HADHA: variants seen among roughly 807,000 people sequenced by gnomAD.
The protein encoded by HADHA is trifunctional enzyme subunit alpha, mitochondrial.
In HADHA, 59 loss-of-function variants were observed where a neutral mutation model predicts 91.3. That is an observed-to-expected ratio of 0.65 (90% CI 0.52 to 0.80). HADHA has a LOEUF of 0.80. Ranked by LOEUF, HADHA falls within the 30% of genes least tolerant of loss-of-function variation. The pLI, the probability that HADHA is intolerant of heterozygous loss-of-function variation, is 0.00. For synonymous variants in HADHA, 320 were observed against 338.9 expected (o/e 0.94, Z 0.61); for missense variants, 800 against 927.6 (o/e 0.86, Z 1.79).
chr2:26,197,725 C>A lies in HADHA; in HGVS notation c.1445G>T (p.Ser482Ile). The change falls in exon 14 of 20, where the codon AGT becomes ATT. Residue 482 changes from serine (S) to isoleucine (I), a missense_variant. By Grantham distance (142) the Ser-to-Ile change is moderately radical. Coordinates refer to ENST00000380649, the MANE Select transcript of HADHA (RefSeq NM_000182.5). ...FASNTSALPI[S>I]EIAAVSKRPE... is the part of the protein sequence containing the mutation. ...TCTTTTGCTGACAGCAGCGATTTCA[C>A]TGATTGGGAGAGCAGATGTGTTACT... The A allele has an allele frequency of 6.4e-7, 1 of 1,556,920 alleles. No individual in the cohort carries two copies.
intron 12 of HADHA, among the ~76,000 whole-genome samples, chr2:26,201,715 G>A (rs553086930): frequency 7.2e-5 from 11 of 152,130 alleles, no homozygotes; most frequent in African/African-American, 1.9e-4. Flanking sequence ...AGCAGCCAAA[G>A]TGTGTCTGAG....
At chr2:26,208,417 T>C (rs1670018198) in intron 11 of HADHA, among the ~76,000 whole-genome samples, 1 of 152,184 alleles carries the variant, frequency 6.6e-6, no homozygotes, top group African/African-American at 2.4e-5. Context: ...CAATAAATGC[T>C]CAGGCAGGAG....
At chr2:26,220,684 T>A (rs140209480) in intron 7 of HADHA, among the ~76,000 whole-genome samples, 1 of 152,250 alleles carries the variant, frequency 6.6e-6, no homozygotes, top group Non-Finnish European at 1.5e-5. Flanking sequence ...AGCTTTTTTT[T>A]CTTGGTATCT....
intron 14 of HADHA, among the ~76,000 whole-genome samples, chr2:26,196,741 G>C: frequency 6.6e-6 from 1 of 152,192 alleles, no homozygotes; most frequent in East Asian, 1.9e-4. Flanking sequence ...TGCTTGCTCT[G>C]CTCCGATGGC....
intron 7 of HADHA, among the ~76,000 whole-genome samples, chr2:26,220,902 C>T (rs1670357929): frequency 6.6e-6 from 1 of 152,168 alleles, no homozygotes. Flanking sequence ...ATTAACTACT[C>T]TAGACATACT....
Position 26,236,339 on chromosome 2 carries a change from A to ATGTG in HADHA, c.314+512_314+515dup, listed in dbSNP as rs752287719. Among the ~76,000 whole-genome samples, 950 of 109,924 alleles carry ATGTG rather than the reference A, an allele frequency of 8.6e-3. 11 individuals are homozygous for ATGTG. The highest frequency in any genetic ancestry group is 0.025 in the East Asian group (106 of 4,324). The allele number at this position is 109,924 out of a possible 152,430, so 72.1% of individuals were successfully genotyped here. Reference sequence around the variant, plus strand: ...GGGTGAGATTTCTCTAGATCACATGATGTGTGTGTGTGTGTGTGTGTATAT... The same window carrying ATGTG: ...GGGTGAGATTTCTCTAGATCACATGATGTGTGTGTGTGTGTGTGTGTGTGTATAT... On this transcript the variant is annotated intron_variant, in intron 4 of 19. Coordinates refer to ENST00000380649, the MANE Select transcript of HADHA (RefSeq NM_000182.5).
rs2147782494 is a variant in HADHA, at chr2:26,234,238, G to T, written c.432C>A (p.Ser144=). The T allele has an allele frequency of 6.2e-7, 1 of 1,613,990 alleles. No homozygotes were observed. Among genetic ancestry groups the T allele is most frequent in the African/African-American group, 1.3e-5 (1 of 75,040 alleles). ...TKPIVAAING[S]CLGGGLEVAI... ...ATACCTCAAGTCCTCCTCCCAGGCAGGATCCATTGATGGCAGCCACAATAG... is the reference window on the plus strand; with the variant it reads ...ATACCTCAAGTCCTCCTCCCAGGCATGATCCATTGATGGCAGCCACAATAG... Residue 144 remains serine, a synonymous_variant, in exon 5 of 20, where the codon TCC becomes TCA. Coordinates refer to ENST00000380649, the MANE Select transcript of HADHA (RefSeq NM_000182.5).
intron 3 of HADHA, among the ~76,000 whole-genome samples, chr2:26,237,204 C>A (rs12998092): frequency 6.6e-6 from 1 of 152,000 alleles, no homozygotes; most frequent in Non-Finnish European, 1.5e-5. Context: ...AAAAATAGGT[C>A]TTCTCAAAGG....
chr2:26,193,196 A>G (rs2147751498), intron 17 of HADHA, among the ~76,000 whole-genome samples: 1 of 152,164 alleles, frequency 6.6e-6, no homozygotes, highest in Non-Finnish European at 1.5e-5. Flanking sequence ...TCCATCTGGC[A>G]TAACTTGGAC....
At chr2:26,226,450 A>T (rs1670487390) in intron 7 of HADHA, among the ~76,000 whole-genome samples, 1 of 152,194 alleles carries the variant, frequency 6.6e-6, no homozygotes. Context: ...AATAATCAAG[A>T]CAGTGTGGTA....
intron 5 of HADHA, among the ~76,000 whole-genome samples, chr2:26,233,560 G>C (rs987153057): frequency 1.3e-5 from 2 of 152,090 alleles, no homozygotes; most frequent in Admixed American, 1.3e-4. Flanking sequence ...TACTGACAAA[G>C]CACTTATATT....
At chr2:26,196,717 A>G (rs1669683467) in intron 14 of HADHA, among the ~76,000 whole-genome samples, 1 of 152,226 alleles carries the variant, frequency 6.6e-6, no homozygotes, top group Non-Finnish European at 1.5e-5. Flanking sequence ...GGAGGGCAGA[A>G]CTGCAAAGTG....
At chr2:26,218,458 A>C (rs1670292715) in intron 7 of HADHA, among the ~76,000 whole-genome samples, 3 of 152,226 alleles carry the variant, frequency 2.0e-5, no homozygotes, top group Non-Finnish European at 4.4e-5. Flanking sequence ...AGAAAACCAA[A>C]TCAGATGGGA....
chr2:26,224,100 A>G (rs1000622345), intron 7 of HADHA, among the ~76,000 whole-genome samples: 1 of 152,196 alleles, frequency 6.6e-6, no homozygotes, highest in Non-Finnish European at 1.5e-5. Flanking sequence ...CTCCTCACCC[A>G]GGGTCCATAA....
At position 26,244,525 on chromosome 2, in the gene HADHA, C is replaced by A. The variant is rs1671028219; in HGVS notation, c.67+5G>T. ...AGGTCTGGGATGCCCTCGGCCAGGC[C>A]TCACCTCGGGAGCGGAGGATCCTGA... On this transcript the variant is annotated splice_donor_5th_base_variant and intron_variant, in intron 1 of 19. Transcript: ENST00000380649. 5 of 1,575,256 alleles carry A rather than the reference C, an allele frequency of 3.2e-6. No homozygotes were observed. Among genetic ancestry groups the A allele is most frequent in the Non-Finnish European group, 4.3e-6 (5 of 1,159,872 alleles).
intron 10 of HADHA, among the ~76,000 whole-genome samples, chr2:26,211,736 C>G (rs4665322): frequency 0.78 from 119,274 of 152,178 alleles, 46,734 homozygotes; most frequent in East Asian, 0.85. Flanking sequence ...TAAAAACAAA[C>G]ACAAATCACT....
chr2:26,227,217 T>C (rs1456144654), intron 7 of HADHA, among the ~76,000 whole-genome samples: 1 of 152,040 alleles, frequency 6.6e-6, no homozygotes, highest in Non-Finnish European at 1.5e-5. Context: ...CACAATGAAA[T>C]ATGACTAATT....
Position 26,190,981 on chromosome 2 carries a change from A to C in HADHA, c.*269T>G. 1 of 553,788 alleles carries C rather than the reference A, an allele frequency of 1.8e-6. No homozygotes were observed. The highest frequency in any genetic ancestry group is 3.2e-6 in the Non-Finnish European group (1 of 307,862). 34.3% of individuals were successfully genotyped at this position (553,788 alleles called of 1,614,324 possible). On this transcript the variant is annotated 3_prime_UTR_variant, in exon 20 of 20. Transcript: ENST00000380649. Reference sequence around the variant, plus strand: ...GAGGAACAGGCAGAGAGGTGGCTTCAGATGGCTCTTGGCTGCCACTCTAGG... The same window carrying C: ...GAGGAACAGGCAGAGAGGTGGCTTCCGATGGCTCTTGGCTGCCACTCTAGG...
chr2:26,219,687 C>A (rs1363063749), intron 7 of HADHA, among the ~76,000 whole-genome samples: 1 of 152,176 alleles, frequency 6.6e-6, no homozygotes, highest in Non-Finnish European at 1.5e-5. Context: ...CAAGTAGCAG[C>A]ACCATGCCAA....
Sources: allele counts gnomAD v4.1 joint callset (sites outside exome capture counted in the v4.1 genomes callset), GRCh38; gene constraint gnomAD v4.1.1; transcripts MANE v1.5; gene names NCBI Gene and HGNC (gene_info 2026-07-23, HGNC 2026-07-21).